The following PIK3R6 variants were observed in gnomAD, a reference collection of about 807,000 sequenced individuals.
PIK3R6 encodes phosphoinositide 3-kinase regulatory subunit 6.
In PIK3R6, 91 loss-of-function variants were observed where a neutral mutation model predicts 84.9. The observed-to-expected ratio is 1.07, with a 90% CI of 0.90 to 1.28. PIK3R6 has a LOEUF of 1.28. Among genes scored for constraint, PIK3R6 ranks in the 50% most tolerant of loss-of-function variants. The pLI, the probability that PIK3R6 is intolerant of heterozygous loss-of-function variation, is 0.00. For synonymous variants in PIK3R6, 416 were observed against 411.4 expected, an observed-to-expected ratio of 1.01 and a Z score of -0.13; for missense variants, 996 against 985.1, an observed-to-expected ratio of 1.01 and a Z score of -0.15.
chr17:8,832,440 T>G (rs918389575), intron 9 of PIK3R6, among the ~76,000 whole-genome samples: 1 of 137,898 alleles, frequency 7.3e-6, no homozygotes, highest in African/African-American at 2.7e-5. Context: ...TGGAGTACAG[T>G]AGTGTGATCT....
chr17:8,820,074 G>A (rs1311243097), intron 17 of PIK3R6, among the ~76,000 whole-genome samples: 1 of 150,284 alleles, frequency 6.7e-6, no homozygotes, highest in Non-Finnish European at 1.5e-5. Context: ...AGCCTCCCAA[G>A]TAGCTGGGAT....
Position 8,839,616 on chromosome 17 carries a change from T to C in PIK3R6, c.95A>G (p.Gln32Arg). ...STQAPALQSN[Q>R]GMWRWSLHKK... The stretch of plus-strand genomic sequence containing the variant: ...TGCTGCTGCCAGCTGGCTCTTACCT[T>C]GGTTGCTCTGCAGGGCAGGGGCCTG... Residue 32 changes from glutamine to arginine, a missense_variant and splice_region_variant, in exon 3 of 20, where the codon CAA becomes CGA. Coordinates refer to ENST00000619866, the MANE Select transcript of PIK3R6 (RefSeq NM_001010855.4). The surrounding 1 kb of genome is among the most constrained non-coding windows in gnomAD (Gnocchi z 4.2). The C allele has an allele frequency of 6.4e-7, 1 of 1,568,346 alleles. No homozygotes were observed. The highest frequency in any genetic ancestry group is 1.2e-5 in the South Asian group (1 of 85,070).
chr17:8,808,372 A>T (rs1013667628), intron 18 of PIK3R6, among the ~76,000 whole-genome samples: 1 of 152,212 alleles, frequency 6.6e-6, no homozygotes, highest in Non-Finnish European at 1.5e-5. Context: ...AGACTTTAGC[A>T]TCCATGGATT....
At position 8,839,648 on chromosome 17, in the gene PIK3R6, G is replaced by A. The variant is rs185983428; in HGVS notation, c.63C>T (p.Leu21=). The A allele has an allele frequency of 1.1e-4, 176 of 1,579,606 alleles. No individual in the cohort carries two copies. Among genetic ancestry groups the A allele is most frequent in the Non-Finnish European group, 1.0e-4 (120 of 1,162,568 alleles). Residue 21 remains leucine (L), a synonymous_variant, in exon 3 of 20, where the codon CTC becomes CTT. Coordinates refer to ENST00000619866, the MANE Select transcript of PIK3R6 (RefSeq NM_001010855.4). The surrounding 1 kb of genome is among the most constrained non-coding windows in gnomAD (Gnocchi z 4.2). ...TCTGCAGGGCAGGGGCCTGGGTGCT[G>A]AGCTCCCGGAGCACAGCCTGCACGC... ...QRSVQAVLRE[L]STQAPALQSN...
Position 8,828,619 on chromosome 17 carries a change from G to A in PIK3R6, c.1261C>T (p.Leu421Phe). The change falls in exon 11 of 20, where the codon CTC becomes TTC. Residue 421 changes from leucine (L) to phenylalanine (F), a missense_variant. By Grantham distance (22) the Leu-to-Phe change is conservative. Transcript: ENST00000619866. ...SRLHTARVLV[L>F]GDDRMLGRLA... ...CGCCCCAGCATCCTGTCATCTCCGAGCACAAGTACCCGGGCTGTGTGCAGC... is the reference window on the plus strand; with the variant it reads ...CGCCCCAGCATCCTGTCATCTCCGAACACAAGTACCCGGGCTGTGTGCAGC... 1 of 1,613,432 alleles carries A rather than the reference G, an allele frequency of 6.2e-7. No homozygotes were observed. The highest frequency in any genetic ancestry group is 8.5e-7 in the Non-Finnish European group (1 of 1,179,694).
intron 1 of PIK3R6, among the ~76,000 whole-genome samples, chr17:8,860,330 C>A (rs901677767): frequency 6.6e-6 from 1 of 152,068 alleles, no homozygotes; most frequent in Non-Finnish European, 1.5e-5. Flanking sequence ...GAAGCTCGAA[C>A]CCTATTGTGA....
intron 7 of PIK3R6, 80 bp downstream of exon 7, chr17:8,836,467 G>A: frequency 6.8e-7 from 1 of 1,479,848 alleles, no homozygotes; most frequent in African/African-American, 1.4e-5. Context: ...CTCCTCTTTT[G>A]TCCTCCTGCC....
At chr17:8,853,573 T>A (rs1282213334) in intron 1 of PIK3R6, among the ~76,000 whole-genome samples, 1 of 151,334 alleles carries the variant, frequency 6.6e-6, no homozygotes, top group Non-Finnish European at 1.5e-5. Flanking sequence ...AGCCATATGA[T>A]GAAAACTATG....
chr17:8,865,650 G>T (rs1239474444), intron 1 of PIK3R6, among the ~76,000 whole-genome samples: 1 of 151,560 alleles, frequency 6.6e-6, no homozygotes, highest in Non-Finnish European at 1.5e-5. Flanking sequence ...GAGTGAGCTG[G>T]CAGTGAGGGA....
At chr17:8,833,420 T>C (rs2088330973) in intron 8 of PIK3R6, among the ~76,000 whole-genome samples, 1 of 151,646 alleles carries the variant, frequency 6.6e-6, no homozygotes, top group African/African-American at 2.4e-5. Context: ...GTCTGTTTCA[T>C]TCATAGCTGC....
chr17:8,840,823 G>A (rs2088654552), intron 2 of PIK3R6, among the ~76,000 whole-genome samples: 1 of 151,538 alleles, frequency 6.6e-6, no homozygotes, highest in South Asian at 2.1e-4. Context: ...CGCAATCTTG[G>A]CTCACTGCAA....
chr17:8,834,322 G>A (rs543937789), intron 8 of PIK3R6, among the ~76,000 whole-genome samples: 1 of 152,118 alleles, frequency 6.6e-6, no homozygotes, highest in Non-Finnish European at 1.5e-5. Flanking sequence ...GGAAATGAGA[G>A]GGAAAGTTAG....
intron 18 of PIK3R6, among the ~76,000 whole-genome samples, chr17:8,814,281 G>A (rs889575572): frequency 7.1e-5 from 10 of 140,014 alleles, no homozygotes; most frequent in South Asian, 2.3e-4. Context: ...GTGCAATGGC[G>A]TGATCTCGGC....
At position 8,839,655 on chromosome 17, in the gene PIK3R6, C is replaced by A; in HGVS notation, c.56G>T (p.Arg19Leu). Residue 19 changes from arginine (R) to leucine (L), a missense_variant, in exon 3 of 20, where the codon CGG becomes CTG. Arg to Leu is a moderately radical substitution (Grantham distance 102, BLOSUM62 -2). Coordinates refer to ENST00000619866, the MANE Select transcript of PIK3R6 (RefSeq NM_001010855.4). This position sits in a 1 kb window ranked among gnomAD's most constrained non-coding sequence, Gnocchi z 4.2. ...GGCAGGGGCCTGGGTGCTGAGCTCC[C>A]GGAGCACAGCCTGCACGCTCCTCTG... ...DLQRSVQAVL[R>L]ELSTQAPALQ... is the part of the protein sequence containing the mutation. The A allele has an allele frequency of 6.3e-7, 1 of 1,580,290 alleles. No individual in the cohort carries two copies. The highest frequency in any genetic ancestry group is 2.3e-5 in the East Asian group (1 of 43,346).
Position 8,829,695 on chromosome 17 carries a change from T to C in PIK3R6, c.889+11A>G, listed in dbSNP as rs1253446051. 19 of 1,550,678 alleles carry C rather than the reference T, an allele frequency of 1.2e-5. No homozygotes were observed. Among genetic ancestry groups the C allele is most frequent in the Non-Finnish European group, 1.7e-5 (19 of 1,146,356 alleles). On this transcript the variant is annotated intron_variant, in intron 10 of 19. Coordinates refer to ENST00000619866, the MANE Select transcript of PIK3R6 (RefSeq NM_001010855.4). ...ATACCACTGTTTCCAGACAGCTCCA[T>C]GGGCACGTACAGAGCTGCTCCTCAC... is the stretch of plus-strand genomic sequence containing the variant.
intron 1 of PIK3R6, among the ~76,000 whole-genome samples, chr17:8,853,497 A>T (rs58495079): frequency 0.051 from 7,254 of 141,322 alleles, 299 homozygotes; most frequent in African/African-American, 0.092. Context: ...AAAAAAAAAA[A>T]AATAATAATA....
chr17:8,838,446 A>T, intron 4 of PIK3R6, 118 bp downstream of exon 4: 3 of 851,492 alleles, frequency 3.5e-6, no homozygotes. Flanking sequence ...GCATATGGTA[A>T]AAATCATGCA....
intron 1 of PIK3R6, among the ~76,000 whole-genome samples, chr17:8,855,374 C>T (rs1454731734): frequency 1.4e-5 from 2 of 147,852 alleles, no homozygotes; most frequent in African/African-American, 2.5e-5. Flanking sequence ...AGTAAGAAAA[C>T]AAATAATACT....
chr17:8,806,124 T>C (rs552384408), intron 18 of PIK3R6, among the ~76,000 whole-genome samples: 1 of 152,306 alleles, frequency 6.6e-6, no homozygotes, highest in African/African-American at 2.4e-5. Flanking sequence ...GCTGAAGTCC[T>C]GCATGAGCTG....
Sources: gnomAD v4.1 joint callset for allele counts (sites outside exome capture counted in the v4.1 genomes callset) on GRCh38, gnomAD v4.1.1 for gene constraint, Gnocchi (gnomAD v3.1) non-coding constraint, MANE v1.5 for transcripts, NCBI Gene and HGNC (gene_info 2026-07-23, HGNC 2026-07-21) for gene names.